Variants in DACH1 observed in about 807,000 individuals in gnomAD.
DACH1 encodes dachshund homolog 1.
A neutral mutation model predicts 54.2 loss-of-function variants in DACH1; 12 were observed. That is an observed-to-expected ratio of 0.22 (90% CI 0.14 to 0.36). The LOEUF is 0.36. Among genes scored for constraint, DACH1 ranks in the 10% least tolerant of loss-of-function variants. The probability of loss-of-function intolerance (pLI) is 1.00; values close to 1 mark genes in which losing one functional copy is unlikely to be tolerated. For missense variants in DACH1, 805 were observed against 929.8 expected (o/e 0.87, Z 1.75); for synonymous variants, 386 against 366.2 (o/e 1.05, Z -0.62).
chr13:71,630,686 A>G lies in DACH1; in HGVS notation c.996T>C (p.Ala332=). ...GLTAAAAAAA[A]ATNAAIAEAM... Reference sequence around the variant, plus strand: ...CTTCAGCAATAGCTGCATTGGTAGCAGCAGCAGCTGCTGCAGCGGCTGCTG... The same window carrying G: ...CTTCAGCAATAGCTGCATTGGTAGCGGCAGCAGCTGCTGCAGCGGCTGCTG... The change falls in exon 3 of 11, where the codon GCT becomes GCC. Residue 332 remains alanine, a synonymous_variant. Coordinates refer to ENST00000613252, the MANE Select transcript of DACH1 (RefSeq NM_080759.6). 1.3e-6 allele frequency: 2 copies of G among 1,598,320 alleles called. No individual in the cohort carries two copies. Among genetic ancestry groups the G allele is most frequent in the Non-Finnish European group, 1.7e-6 (2 of 1,175,904 alleles).
At chr13:71,706,714 C>G (rs1594119368) in intron 1 of DACH1, among the ~76,000 whole-genome samples, 1 of 151,810 alleles carries the variant, frequency 6.6e-6, no homozygotes, top group African/African-American at 2.4e-5. Context: ...TTTTTTCAGA[C>G]CAAAATATGC....
rs139071685 is a variant in DACH1 at position 71,521,424 on chromosome 13, T to A, written c.1571-32276A>T. Among the ~76,000 whole-genome samples, 729 of 152,164 alleles carry A rather than the reference T, an allele frequency of 4.8e-3. 9 individuals carry two copies. Among genetic ancestry groups the A allele is most frequent in the African/African-American group, 0.016 (668 of 41,548 alleles). ...TGTATAAATATATGTAGGTTTAACA[T>A]AGGTCTAAATCTCACTACTATTCAA... On this transcript the variant is annotated intron_variant, in intron 6 of 10. Coordinates refer to ENST00000613252, the MANE Select transcript of DACH1 (RefSeq NM_080759.6).
At chr13:71,838,243 A>G (rs1888875047) in intron 1 of DACH1, among the ~76,000 whole-genome samples, 1 of 152,170 alleles carries the variant, frequency 6.6e-6, no homozygotes, top group East Asian at 1.9e-4. Context: ...TAAAGTTTGC[A>G]GATGTGGAGT....
chr13:71,783,973 A>C (rs1016399054), intron 1 of DACH1, among the ~76,000 whole-genome samples: 11 of 150,686 alleles, frequency 7.3e-5, no homozygotes, highest in East Asian at 1.9e-4. Flanking sequence ...TTAAAAAAAA[A>C]AAAAAAACAA....
At chr13:71,706,445 T>A (rs947541262) in intron 1 of DACH1, among the ~76,000 whole-genome samples, 2 of 151,992 alleles carry the variant, frequency 1.3e-5, no homozygotes, top group African/African-American at 4.8e-5. Context: ...TTTGAAATAA[T>A]CAAAACAATA....
At chr13:71,532,867 T>C (rs2138310366) in intron 6 of DACH1, among the ~76,000 whole-genome samples, 1 of 152,052 alleles carries the variant, frequency 6.6e-6, no homozygotes, top group African/African-American at 2.4e-5. Context: ...CAAATAAAAT[T>C]TTCTAGTTAA....
intron 1 of DACH1, among the ~76,000 whole-genome samples, chr13:71,725,359 C>T (rs1251639348): frequency 1.3e-5 from 2 of 152,076 alleles, no homozygotes; most frequent in Admixed American, 6.6e-5. Context: ...TCGAATTCTA[C>T]TTCTAAAACT....
At chr13:71,834,405 C>T (rs1888703650) in intron 1 of DACH1, among the ~76,000 whole-genome samples, 1 of 151,982 alleles carries the variant, frequency 6.6e-6, no homozygotes, top group Non-Finnish European at 1.5e-5. Flanking sequence ...CAAAGGTTCT[C>T]ATATAACACG....
At chr13:71,504,537 G>A (rs570025205) in intron 6 of DACH1, among the ~76,000 whole-genome samples, 2 of 152,246 alleles carry the variant, frequency 1.3e-5, no homozygotes, top group Admixed American at 6.5e-5. Context: ...AGGCAGCGTG[G>A]ATGAGATCGC....
rs568852513 is a variant in DACH1 at position 71,462,089 on chromosome 13, T to C, written c.2083+13052A>G. On this transcript the variant is annotated intron_variant, in intron 10 of 10. Transcript: ENST00000613252. ...AATGAAAGTCAGATCCAATAATTTG[T>C]AGCCATCATTCATCGTTTTATAGGT... 6.0e-4 allele frequency among the ~76,000 whole-genome samples: 92 copies of C among 152,068 alleles called. 1 individual carries two copies. In the South Asian group the frequency reaches 0.018, roughly 30 times the overall value.
rs1211164206 is a variant in DACH1, at chr13:71,700,565, C to CA, written c.849-18656dup. On this transcript the variant is annotated intron_variant, in intron 1 of 10. Transcript: ENST00000613252. ...ACAGCAAGACTGCAAGACTCCATCTCAAAAAAAAAAAAAAAAAAAAGAGAG... is the reference window on the plus strand; with the variant it reads ...ACAGCAAGACTGCAAGACTCCATCTCAAAAAAAAAAAAAAAAAAAAAGAGAG... 3.8e-3 allele frequency among the ~76,000 whole-genome samples: 222 copies of CA among 58,708 alleles called. 4 individuals carry two copies. Among genetic ancestry groups the CA allele is most frequent in the African/African-American group, 0.013 (167 of 12,374 alleles). The allele number at this position is 58,708 out of a possible 152,430, so 38.5% of individuals were successfully genotyped here.
rs533841761 is a variant in DACH1, at chr13:71,714,864, A to G, written c.849-32954T>C. The stretch of plus-strand genomic sequence containing the variant: ...AAGCCAAGAAATAAAATAGGCAGAG[A>G]AAGTATTGGTCTACCCTTTCAACTC... On this transcript the variant is annotated intron_variant, in intron 1 of 10. Transcript: ENST00000613252. Among the ~76,000 whole-genome samples the G allele has an allele frequency of 8.5e-5, 13 of 152,222 alleles. No individual in the cohort carries two copies. In the South Asian group the frequency reaches 2.5e-3, roughly 29 times the overall value.
At chr13:71,535,150 C>A (rs1882681727) in intron 6 of DACH1, among the ~76,000 whole-genome samples, 2 of 151,248 alleles carry the variant, frequency 1.3e-5, no homozygotes, top group South Asian at 4.2e-4. Context: ...CTTAGAAAAC[C>A]AAGCTTACCA....
At chr13:71,592,240 C>T (rs1873761083) in intron 3 of DACH1, among the ~76,000 whole-genome samples, 1 of 151,836 alleles carries the variant, frequency 6.6e-6, no homozygotes, top group South Asian at 2.1e-4. Context: ...GGCTGAGTGC[C>T]ATGGCTCATG....
At chr13:71,475,940 C>T in intron 8 of DACH1, 91 bp from the exon 9 acceptor site, 1 of 1,012,800 alleles carries the variant, frequency 9.9e-7, no homozygotes, top group Non-Finnish European at 1.3e-6. Context: ...TTATATTATT[C>T]ATTTTGTTTT....
intron 1 of DACH1, among the ~76,000 whole-genome samples, chr13:71,802,004 A>G (rs1057325483): frequency 2.0e-5 from 3 of 152,226 alleles, no homozygotes; most frequent in Admixed American, 2.0e-4. Context: ...AAAGCCGAGG[A>G]GCTCCATTAT....
intron 10 of DACH1, among the ~76,000 whole-genome samples, chr13:71,460,439 G>C (rs1593727833): frequency 6.6e-6 from 1 of 151,992 alleles, no homozygotes; most frequent in African/African-American, 2.4e-5. Context: ...ACTATTCCCA[G>C]CTCTTGATCA....
chr13:71,834,153 C>T (rs1888691051), intron 1 of DACH1, among the ~76,000 whole-genome samples: 1 of 151,884 alleles, frequency 6.6e-6, no homozygotes, highest in South Asian at 2.1e-4. Flanking sequence ...GCGAAATATC[C>T]CTTAGGATAA....
At chr13:71,583,078 T>C (rs927333602) in intron 3 of DACH1, among the ~76,000 whole-genome samples, 8 of 152,202 alleles carry the variant, frequency 5.3e-5, no homozygotes, top group Non-Finnish European at 1.2e-4. Flanking sequence ...TCAATCTTCA[T>C]AGGCAAATAT....
Sources: gnomAD v4.1 joint callset for allele counts (sites outside exome capture counted in the v4.1 genomes callset) on GRCh38, gnomAD v4.1.1 for gene constraint, MANE v1.5 for transcripts, NCBI Gene and HGNC (gene_info 2026-07-23, HGNC 2026-07-21) for gene names.